PTPRD: variants seen among roughly 807,000 people sequenced by gnomAD.
PTPRD encodes the protein protein tyrosine phosphatase receptor type D.
PTPRD carries 34 observed loss-of-function variants against 214.5 expected under a neutral mutation model. The observed-to-expected ratio is 0.16, with a 90% CI of 0.12 to 0.21. The LOEUF is 0.21. PTPRD is among the 10% of genes least tolerant of loss of function. The pLI is 1.00. For synonymous variants in PTPRD, 1,128 were observed against 845.7 expected (o/e 1.33, Z -5.79); for missense variants, 2,545 against 2,398.7 (o/e 1.06, Z -1.27).
At position 8,496,981 on chromosome 9, in the gene PTPRD, C is replaced by T. The variant is rs550556266; in HGVS notation, c.2349+261G>A. Among the ~76,000 whole-genome samples the T allele has an allele frequency of 6.6e-5, 10 of 152,314 alleles. No individual in the cohort carries two copies. The South Asian group carries it at 1.9e-3, about 28-fold the overall frequency. The stretch of plus-strand genomic sequence containing the variant: ...TTTAAAGCATGCCTCCTCTGACTGT[C>T]ACAAGGCAGAGTTAGTAGCAGCCAT... On this transcript the variant is annotated intron_variant, in intron 26 of 45. Coordinates refer to ENST00000381196, the MANE Select transcript of PTPRD (RefSeq NM_002839.4).
At chr9:8,875,360 A>C (rs1416490681) in intron 11 of PTPRD, among the ~76,000 whole-genome samples, 1 of 140,032 alleles carries the variant, frequency 7.1e-6, no homozygotes, top group African/African-American at 2.5e-5. Flanking sequence ...GATCTCTACA[A>C]AAATAATTTT....
At chr9:9,602,839 C>G (rs2093877697) in intron 7 of PTPRD, among the ~76,000 whole-genome samples, 1 of 152,062 alleles carries the variant, frequency 6.6e-6, no homozygotes, top group Admixed American at 6.6e-5. Flanking sequence ...GGTTTATTAT[C>G]TATTCCCTCA....
chr9:8,702,756 C>T (rs1242855395), intron 12 of PTPRD, among the ~76,000 whole-genome samples: 5 of 152,078 alleles, frequency 3.3e-5, no homozygotes, highest in Admixed American at 1.3e-4. Flanking sequence ...TACAGGCGCC[C>T]GCCACTACGC....
chr9:9,067,692 G>C (rs146226205), intron 10 of PTPRD, among the ~76,000 whole-genome samples: 42 of 152,262 alleles, frequency 2.8e-4, no homozygotes, highest in Middle Eastern at 3.4e-3. Context: ...AAATAACACA[G>C]AGAGACATCA....
intron 11 of PTPRD, among the ~76,000 whole-genome samples, chr9:8,737,326 C>T (rs2090698235): frequency 6.6e-6 from 1 of 152,104 alleles, no homozygotes; most frequent in African/African-American, 2.4e-5. Context: ...AGCTAATCTC[C>T]ATTCCTTATC....
intron 7 of PTPRD, among the ~76,000 whole-genome samples, chr9:9,725,243 G>C (rs2098061947): frequency 6.6e-6 from 1 of 151,904 alleles, no homozygotes; most frequent in East Asian, 1.9e-4. Flanking sequence ...TCTTTCCCAT[G>C]CTGTTCCCAT....
chr9:8,359,443 G>C (rs1348999515), intron 39 of PTPRD, among the ~76,000 whole-genome samples: 1 of 151,454 alleles, frequency 6.6e-6, no homozygotes, highest in African/African-American at 2.4e-5. Context: ...TCTTGCTTCA[G>C]GCTCCCGAGT....
chr9:10,352,967 G>C (rs958455938), intron 2 of PTPRD, among the ~76,000 whole-genome samples: 1 of 151,754 alleles, frequency 6.6e-6, no homozygotes, highest in Non-Finnish European at 1.5e-5. Flanking sequence ...AACAGTTTTT[G>C]GTTGAGTGAA....
chr9:8,555,073 T>C (rs2083332936), intron 14 of PTPRD, among the ~76,000 whole-genome samples: 1 of 152,186 alleles, frequency 6.6e-6, no homozygotes, highest in South Asian at 2.1e-4. Context: ...ATTTCTTCTA[T>C]TATAATTTAC....
chr9:9,825,378 G>C (rs976822104), intron 5 of PTPRD, among the ~76,000 whole-genome samples: 2 of 149,390 alleles, frequency 1.3e-5, no homozygotes, highest in Admixed American at 6.7e-5. Context: ...GAGACACAGA[G>C]AGACAGAGAG....
intron 3 of PTPRD, among the ~76,000 whole-genome samples, chr9:10,215,181 A>G (rs2099535713): frequency 6.6e-6 from 1 of 152,176 alleles, no homozygotes; most frequent in East Asian, 1.9e-4. Flanking sequence ...TACCATAAAT[A>G]AAAGTCAGAA....
chr9:9,900,167 T>G (rs1224737607), intron 5 of PTPRD, among the ~76,000 whole-genome samples: 3 of 152,210 alleles, frequency 2.0e-5, no homozygotes, highest in Non-Finnish European at 4.4e-5. Context: ...CCCTACCACA[T>G]GCCCAGGCTG....
At chr9:9,722,100 C>T (rs781183737) in intron 7 of PTPRD, among the ~76,000 whole-genome samples, 5 of 151,826 alleles carry the variant, frequency 3.3e-5, no homozygotes, top group Non-Finnish European at 5.9e-5. Context: ...ATTTTACACA[C>T]CATAAAACTC....
At chr9:8,478,708 G>C (rs1463764398) in intron 30 of PTPRD, among the ~76,000 whole-genome samples, 2 of 152,206 alleles carry the variant, frequency 1.3e-5, no homozygotes, top group Non-Finnish European at 2.9e-5. Flanking sequence ...AGAACTTGCA[G>C]TATCCTTAAG....
In PTPRD at chr9:9,948,393, C is replaced by T. The variant is rs145960977; in HGVS notation, c.-471-9783G>A. The stretch of plus-strand genomic sequence containing the variant: ...CTCTTCTCCCAAAATTTGGCCTCAC[C>T]GTACTCCATTCCCAATATCAAACAA... On this transcript the variant is annotated intron_variant, in intron 4 of 45. Transcript: ENST00000381196. Among the ~76,000 whole-genome samples the T allele has an allele frequency of 8.1e-3, 1,227 of 152,104 alleles. 18 individuals are homozygous for T. The highest frequency in any genetic ancestry group is 0.026 in the African/African-American group (1,100 of 41,514).
chr9:10,318,435 T>C (rs12345631), intron 3 of PTPRD, among the ~76,000 whole-genome samples: 13,587 of 151,862 alleles, frequency 0.089, 806 homozygotes, highest in South Asian at 0.27. Context: ...ACAGAGGACA[T>C]ATTAAAGGGC....
At chr9:9,618,116 CTGGT>C (rs1473383214) in intron 7 of PTPRD, among the ~76,000 whole-genome samples, 4 of 101,750 alleles carry the variant, frequency 3.9e-5, no homozygotes. Context: ...ATTTTGTCTT[CTGGT>C]TGGAGAATAG....
At chr9:8,929,780 G>GTGTGTATATATAT (rs1272978143) in intron 11 of PTPRD, among the ~76,000 whole-genome samples, 1 of 82,422 alleles carries the variant, frequency 1.2e-5, no homozygotes, top group Admixed American at 1.4e-4. Flanking sequence ...TATATATATG[G>GTGTGTATATATAT]GTGTGTATAT....
chr9:10,215,383 A>C (rs1594453957), intron 3 of PTPRD, among the ~76,000 whole-genome samples: 3 of 152,114 alleles, frequency 2.0e-5, no homozygotes, highest in Non-Finnish European at 4.4e-5. Context: ...GAAGAAACAA[A>C]GATAGGTACT....
Sources: allele counts gnomAD v4.1 joint callset (sites outside exome capture counted in the v4.1 genomes callset), GRCh38; gene constraint gnomAD v4.1.1; transcripts MANE v1.5; gene names NCBI Gene and HGNC (gene_info 2026-07-23, HGNC 2026-07-21).